The following ANK2 variants were observed in gnomAD, a reference collection of about 807,000 sequenced individuals.
ANK2 encodes the protein ankyrin-2.
In ANK2, 83 loss-of-function variants were observed where a neutral mutation model predicts 360.5. The observed-to-expected ratio is 0.23, with a 90% CI of 0.19 to 0.28. ANK2 has a LOEUF of 0.28. Ranked by LOEUF, ANK2 falls within the 10% of genes least tolerant of loss-of-function variation. The pLI is 1.00. For synonymous variants in ANK2, 1,740 were observed against 1,759.5 expected, an observed-to-expected ratio of 0.99 and a Z score of 0.28; for missense variants, 4,201 against 4,795.7, an observed-to-expected ratio of 0.88 and a Z score of 3.66.
At chr4:113,125,145 T>TA (rs570898896) in intron 1 of ANK2, among the ~76,000 whole-genome samples, 135 of 152,240 alleles carry the variant, frequency 8.9e-4, no homozygotes, top group African/African-American at 3.0e-3. Flanking sequence ...AGTTTGTCTG[T>TA]AAAAAAAGCC....
At chr4:113,336,853 A>C in intron 31 of ANK2, 72 bp downstream of exon 31, 1 of 1,437,878 alleles carries the variant, frequency 7.0e-7, no homozygotes, top group Non-Finnish European at 9.8e-7. Flanking sequence ...ATATTAAATT[A>C]CCTTTGTCAT....
intron 4 of ANK2, among the ~76,000 whole-genome samples, chr4:113,207,079 A>G (rs1263401665): frequency 6.6e-6 from 1 of 152,068 alleles, no homozygotes; most frequent in Non-Finnish European, 1.5e-5. Context: ...AAAAGCCAAC[A>G]CTAAAATTAC....
chr4:112,802,790 T>TAC, the ANK2 span, among the ~76,000 whole-genome samples: 2 of 152,154 alleles, frequency 1.3e-5, no homozygotes, highest in Admixed American at 6.5e-5. Context: ...ACAAAAACGA[T>TAC]ACGCCTCAAA....
intron 1 of ANK2, among the ~76,000 whole-genome samples, chr4:113,087,083 C>CAA (rs2085214883): frequency 6.6e-6 from 1 of 152,124 alleles, no homozygotes. Flanking sequence ...TAAGGAACAA[C>CAA]AAATTGTGTT....
At chr4:112,955,459 A>G (rs1390473950) in intron 2 of ANK2, among the ~76,000 whole-genome samples, 1 of 152,136 alleles carries the variant, frequency 6.6e-6, no homozygotes, top group Non-Finnish European at 1.5e-5. Context: ...CGTTAATAGT[A>G]ATGAAGACTA....
At chr4:113,032,108 A>T (rs555127357) in intron 2 of ANK2, among the ~76,000 whole-genome samples, 1 of 152,208 alleles carries the variant, frequency 6.6e-6, no homozygotes, top group South Asian at 2.1e-4. Flanking sequence ...GAATCAAAGC[A>T]TTATTTTGAT....
intron 2 of ANK2, among the ~76,000 whole-genome samples, chr4:112,933,953 G>C (rs2093498745): frequency 6.6e-6 from 1 of 151,988 alleles, no homozygotes. Context: ...AGATCTAAAG[G>C]AGATTGACTA....
chr4:113,258,355 T>C lies in ANK2; in HGVS notation c.1330T>C (p.Leu444=), dbSNP rs1297909649. The change falls in exon 13 of 46, where the codon TTG becomes CTG. Residue 444 remains leucine, a synonymous_variant. Transcript: ENST00000357077. Reference sequence around the variant, plus strand: ...ACATGTGGCTGCCTTCATGGGCCACTTGAACATTGTCCTCCTTCTGCTGCA... The same window carrying C: ...ACATGTGGCTGCCTTCATGGGCCACCTGAACATTGTCCTCCTTCTGCTGCA... ...PIHVAAFMGH[L]NIVLLLLQNG... The C allele has an allele frequency of 6.2e-7, 1 of 1,614,184 alleles. No homozygotes were observed. The highest frequency in any genetic ancestry group is 8.5e-7 in the Non-Finnish European group (1 of 1,180,022).
intron 24 of ANK2, among the ~76,000 whole-genome samples, chr4:113,315,880 G>C (rs1032345062): frequency 1.6e-5 from 2 of 127,338 alleles, no homozygotes; most frequent in African/African-American, 6.2e-5. Context: ...CTGGGTGACA[G>C]AGCGAGACTC....
chr4:113,132,831 C>A (rs1465876426), intron 1 of ANK2, among the ~76,000 whole-genome samples: 2 of 152,108 alleles, frequency 1.3e-5, no homozygotes, highest in African/African-American at 4.8e-5. Context: ...GAAAAAGGGG[C>A]TGATCATTTG....
At position 113,354,760 on chromosome 4, in the gene ANK2, C is replaced by G. The variant is rs769677208; in HGVS notation, c.6142C>G (p.Gln2048Glu). ...TQREAQKTEN[Q>E]TIKRGQRLPV... ...GAGAGAAGCTCAGAAAACAGAGAAT[C>G]AGACAATCAAACGAGGCCAGAGACT... is the stretch of plus-strand genomic sequence containing the variant. Residue 2048 changes from glutamine to glutamate, a missense_variant, in exon 38 of 46, where the codon CAG becomes GAG. By Grantham distance (29) the Gln-to-Glu change is conservative. Coordinates refer to ENST00000357077, the MANE Select transcript of ANK2 (RefSeq NM_001148.6). The G allele has an allele frequency of 3.1e-6, 5 of 1,613,826 alleles. No individual in the cohort carries two copies. In the Admixed American group the frequency reaches 8.3e-5, roughly 27 times the overall value.
At chr4:112,762,804 C>G in the ANK2 span, among the ~76,000 whole-genome samples, 6 of 152,222 alleles carry the variant, frequency 3.9e-5, no homozygotes, top group South Asian at 1.0e-3. Flanking sequence ...GCCACTGCGC[C>G]CGGCTTCGAA....
chr4:113,115,417 C>T (rs1006429252), intron 1 of ANK2, among the ~76,000 whole-genome samples: 13 of 152,142 alleles, frequency 8.5e-5, no homozygotes, highest in African/African-American at 2.4e-4. Context: ...GCTCCCTTCT[C>T]TCCCTTCCTC....
At chr4:113,117,628 C>T (rs548808701) in intron 1 of ANK2, among the ~76,000 whole-genome samples, 1 of 152,182 alleles carries the variant, frequency 6.6e-6, no homozygotes, top group East Asian at 1.9e-4. Flanking sequence ...CCAAGCAAGG[C>T]AAAAATGCCT....
intron 26 of ANK2, among the ~76,000 whole-genome samples, chr4:113,319,463 A>C (rs1034883066): frequency 4.6e-5 from 7 of 151,512 alleles, no homozygotes; most frequent in Non-Finnish European, 8.8e-5. Context: ...TCAAAATGCA[A>C]TATTTTGATT....
At chr4:112,926,478 A>G (rs1355679598) in intron 2 of ANK2, among the ~76,000 whole-genome samples, 1 of 152,222 alleles carries the variant, frequency 6.6e-6, no homozygotes, top group Non-Finnish European at 1.5e-5. Context: ...CAATTATGTC[A>G]GCATAAATTA....
At position 113,381,462 on chromosome 4, in the gene ANK2, CAAT is replaced by C; in HGVS notation, c.11866_11868del (p.Asn3956del). 2.5e-6 allele frequency: 4 copies of C among 1,614,186 alleles called. No individual in the cohort carries two copies. The highest frequency in any genetic ancestry group is 2.5e-6 in the Non-Finnish European group (3 of 1,180,032). Reference sequence around the variant, plus strand: ...TCTTGTCTGCTTTTCTCCAGGACAACAATGAGTAAAGCCATCACACAGAAGAGG... The same window carrying C: ...TCTTGTCTGCTTTTCTCCAGGACAACGAGTAAAGCCATCACACAGAAGAGG... On this transcript the variant is annotated inframe_deletion, in exon 46 of 46. Transcript: ENST00000357077.
intron 2 of ANK2, among the ~76,000 whole-genome samples, chr4:113,043,565 C>G (rs999422046): frequency 6.6e-6 from 1 of 152,072 alleles, no homozygotes; most frequent in Non-Finnish European, 1.5e-5. Flanking sequence ...AGCCACTGTG[C>G]CTGGTTGACC....
intron 1 of ANK2, among the ~76,000 whole-genome samples, chr4:112,846,538 A>T (rs1039816136): frequency 2.0e-5 from 3 of 151,808 alleles, no homozygotes; most frequent in African/African-American, 7.3e-5. Flanking sequence ...CCCATTTTAT[A>T]TTCCTAAATG....
Sources: gnomAD v4.1 joint callset for allele counts (sites outside exome capture counted in the v4.1 genomes callset) on GRCh38, gnomAD v4.1.1 for gene constraint, MANE v1.5 for transcripts, NCBI Gene and HGNC (gene_info 2026-07-23, HGNC 2026-07-21) for gene names.